Variants in ZNF521 observed in about 807,000 individuals in gnomAD.
ZNF521 encodes zinc finger protein 521.
In ZNF521, 14 loss-of-function variants were observed where a neutral mutation model predicts 105.5. The ratio of observed to expected loss-of-function variants is 0.13; its 90% CI spans 0.09 to 0.21. The LOEUF is 0.21. Among genes scored for constraint, ZNF521 ranks in the 10% least tolerant of loss-of-function variants. ZNF521 has a pLI of 1.00. For missense variants in ZNF521, 1,233 were observed against 1,629.7 expected, an observed-to-expected ratio of 0.76 and a Z score of 4.19; for synonymous variants, 635 against 606.0, an observed-to-expected ratio of 1.05 and a Z score of -0.70.
In ZNF521 at chr18:25,329,518, T is replaced by C. The variant is rs143444857; in HGVS notation, c.41-7331A>G. 8.7e-3 allele frequency among the ~76,000 whole-genome samples: 1,324 copies of C among 152,066 alleles called. 25 individuals are homozygous for C. Among genetic ancestry groups the C allele is most frequent in the African/African-American group, 0.029 (1,208 of 41,482 alleles). On this transcript the variant is annotated intron_variant, in intron 2 of 7. Transcript: ENST00000361524. ...AACAAGAACACAGCTCTCTAGGAAA[T>C]AGAAACAAAGGTAAGGCCACAGATA... is the stretch of plus-strand genomic sequence containing the variant.
At chr18:25,070,166 T>C (rs941837109) in intron 7 of ZNF521, among the ~76,000 whole-genome samples, 10 of 152,226 alleles carry the variant, frequency 6.6e-5, no homozygotes, top group Non-Finnish European at 2.9e-5. Flanking sequence ...TGTCCCCTTG[T>C]AGGAACATAA....
chr18:25,334,607 C>G (rs1758551203), intron 2 of ZNF521, among the ~76,000 whole-genome samples: 2 of 152,230 alleles, frequency 1.3e-5, no homozygotes, highest in Admixed American at 1.3e-4. Flanking sequence ...CAACTCTCCT[C>G]CAGCTCCATT....
intron 7 of ZNF521, among the ~76,000 whole-genome samples, chr18:25,063,879 A>G (rs2032980249): frequency 6.6e-6 from 1 of 152,010 alleles, no homozygotes; most frequent in South Asian, 2.1e-4. Context: ...CACCACTTCC[A>G]TCCTCACCCC....
At chr18:25,290,960 AC>A (rs1910983298) in intron 3 of ZNF521, among the ~76,000 whole-genome samples, 1 of 152,062 alleles carries the variant, frequency 6.6e-6, no homozygotes, top group East Asian at 1.9e-4. Context: ...ATTTTATGAT[AC>A]CCAAAATTTG....
At chr18:25,245,679 T>C (rs1162552638) in intron 3 of ZNF521, among the ~76,000 whole-genome samples, 1 of 152,204 alleles carries the variant, frequency 6.6e-6, no homozygotes, top group Non-Finnish European at 1.5e-5. Context: ...TTTGTAAATA[T>C]GTACAGAAGT....
Position 25,166,175 on chromosome 18 carries a change from T to C in ZNF521, c.3658+28985A>G, listed in dbSNP as rs1467593328. On this transcript the variant is annotated intron_variant, in intron 5 of 7. Transcript: ENST00000361524. Reference sequence around the variant, plus strand: ...TCTCAACACAATCTCTGCTGTTCCATCACATTCAAGTTTTTCTACTCTTTT... The same window carrying C: ...TCTCAACACAATCTCTGCTGTTCCACCACATTCAAGTTTTTCTACTCTTTT... Among the ~76,000 whole-genome samples the C allele has an allele frequency of 2.0e-5, 3 of 152,238 alleles. No homozygotes were observed. In the East Asian group the frequency reaches 5.8e-4, roughly 29 times the overall value.
chr18:25,234,128 T>A (rs909945881), intron 3 of ZNF521, among the ~76,000 whole-genome samples: 1 of 152,160 alleles, frequency 6.6e-6, no homozygotes, highest in Non-Finnish European at 1.5e-5. Flanking sequence ...GAGAATTGCT[T>A]TTCTTTTTCT....
chr18:25,129,123 T>C (rs1270199521), intron 5 of ZNF521, among the ~76,000 whole-genome samples: 4 of 151,688 alleles, frequency 2.6e-5, no homozygotes, highest in African/African-American at 4.8e-5. Context: ...TGAAGCAGAA[T>C]AGAGAGCCCC....
intron 5 of ZNF521, among the ~76,000 whole-genome samples, chr18:25,160,927 G>A (rs2035239502): frequency 6.6e-6 from 1 of 152,110 alleles, no homozygotes; most frequent in Admixed American, 6.6e-5. Context: ...TGAATTTAAG[G>A]AGAGCAGAAG....
chr18:25,093,366 A>T (rs1313318687), intron 5 of ZNF521, among the ~76,000 whole-genome samples: 1 of 152,204 alleles, frequency 6.6e-6, no homozygotes, highest in Non-Finnish European at 1.5e-5. Flanking sequence ...AGCAATGATT[A>T]AAAAATGCTA....
In ZNF521 at chr18:25,113,771, C is replaced by CGG. The variant is rs1182239677; in HGVS notation, c.3659-21691_3659-21690insCC. Among the ~76,000 whole-genome samples, 350 of 150,530 alleles carry CGG rather than the reference C, an allele frequency of 2.3e-3. 1 individual carries two copies. Among genetic ancestry groups the CGG allele is most frequent in the African/African-American group, 8.2e-3 (337 of 41,106 alleles). On this transcript the variant is annotated intron_variant, in intron 5 of 7. Coordinates refer to ENST00000361524, the MANE Select transcript of ZNF521 (RefSeq NM_015461.3). ...ACCGAAGGACGGACGGACACACACACACACACACACACACACACACACAGA... is the reference window on the plus strand; with the variant it reads ...ACCGAAGGACGGACGGACACACACACGGACACACACACACACACACACACAGA...
At position 25,110,481 on chromosome 18, in the gene ZNF521, G is replaced by A. The variant is rs1255997568; in HGVS notation, c.3659-18400C>T. On this transcript the variant is annotated intron_variant, in intron 5 of 7. Transcript: ENST00000361524. ...AAAGAGGGAGAGAATGAGAGAGGGA[G>A]GGAAGAGACAGCTTTGGTGAAGCCG... Among the ~76,000 whole-genome samples the A allele has an allele frequency of 5.3e-5, 8 of 151,782 alleles. No homozygotes were observed. In the East Asian group the frequency reaches 1.3e-3, roughly 26 times the overall value.
intron 5 of ZNF521, among the ~76,000 whole-genome samples, chr18:25,113,021 T>TA (rs2034224924): frequency 1.3e-5 from 2 of 151,060 alleles, no homozygotes; most frequent in Middle Eastern, 3.4e-3. Flanking sequence ...TCTAACCTTT[T>TA]TTTTTTTCCT....
intron 5 of ZNF521, among the ~76,000 whole-genome samples, chr18:25,150,925 G>A (rs1388383484): frequency 7.9e-6 from 1 of 126,286 alleles, no homozygotes; most frequent in Non-Finnish European, 1.6e-5. Context: ...GTCTCGCTCT[G>A]TCACCCAGAC....
chr18:25,252,126 C>A (rs1304341752), intron 3 of ZNF521, among the ~76,000 whole-genome samples: 2 of 152,220 alleles, frequency 1.3e-5, no homozygotes, highest in East Asian at 3.9e-4. Context: ...ATAGCATTAG[C>A]ACCCCTCTTA....
At chr18:25,076,202 C>T (rs1342969900) in intron 7 of ZNF521, among the ~76,000 whole-genome samples, 6 of 152,178 alleles carry the variant, frequency 3.9e-5, no homozygotes, top group Non-Finnish European at 4.4e-5. Context: ...AAATGGTAAT[C>T]CGTGGATGAA....
At chr18:25,290,014 G>C (rs1307521402) in intron 3 of ZNF521, among the ~76,000 whole-genome samples, 2 of 152,016 alleles carry the variant, frequency 1.3e-5, no homozygotes, top group East Asian at 3.8e-4. Context: ...GCAAAAAAAA[G>C]ACAAAAAGCA....
chr18:25,299,533 C>T (rs963047889), intron 3 of ZNF521, among the ~76,000 whole-genome samples: 1 of 152,174 alleles, frequency 6.6e-6, no homozygotes, highest in Non-Finnish European at 1.5e-5. Context: ...CAAAAAACCC[C>T]TAACAGGTTT....
At chr18:25,079,153 G>A (rs1410314288) in intron 7 of ZNF521, among the ~76,000 whole-genome samples, 3 of 152,354 alleles carry the variant, frequency 2.0e-5, no homozygotes, top group African/African-American at 4.8e-5. Flanking sequence ...GGCAGATGGC[G>A]CCAGTGCGTG....
Sources: gnomAD v4.1 joint callset for allele counts (sites outside exome capture counted in the v4.1 genomes callset) on GRCh38, gnomAD v4.1.1 for gene constraint, MANE v1.5 for transcripts, NCBI Gene and HGNC (gene_info 2026-07-23, HGNC 2026-07-21) for gene names.